The following ZPBP variants were observed in gnomAD, a reference collection of about 807,000 sequenced individuals.
ZPBP encodes zona pellucida binding protein.
ZPBP carries 26 observed loss-of-function variants against 44.8 expected under a neutral mutation model. That is an observed-to-expected ratio of 0.58 (90% CI 0.43 to 0.81). ZPBP has a LOEUF of 0.81. ZPBP is among the 30% of genes least tolerant of loss of function. The pLI is 0.00. For missense variants in ZPBP, 409 were observed against 434.0 expected, an observed-to-expected ratio of 0.94 and a Z score of 0.51; for synonymous variants, 174 against 153.2, an observed-to-expected ratio of 1.14 and a Z score of -1.00.
At chr7:49,949,791 TTTATG>T (rs1261362365) in intron 7 of ZPBP, among the ~76,000 whole-genome samples, 1 of 151,936 alleles carries the variant, frequency 6.6e-6, no homozygotes, top group Non-Finnish European at 1.5e-5. Flanking sequence ...AATGTTAAAT[TTTATG>T]TTATGTACAT....
intron 4 of ZPBP, among the ~76,000 whole-genome samples, chr7:50,048,752 A>G (rs1800523259): frequency 6.6e-6 from 1 of 152,018 alleles, no homozygotes; most frequent in Non-Finnish European, 1.5e-5. Context: ...ACGTAGCCTA[A>G]TCTTTTATCT....
chr7:50,086,591 A>C (rs1802663355), intron 2 of ZPBP, among the ~76,000 whole-genome samples: 1 of 152,060 alleles, frequency 6.6e-6, no homozygotes, highest in Non-Finnish European at 1.5e-5. Flanking sequence ...AGAAGGAATC[A>C]ATAGCAAACT....
chr7:50,085,970 A>C (rs1351900450), intron 2 of ZPBP, among the ~76,000 whole-genome samples: 1 of 152,122 alleles, frequency 6.6e-6, no homozygotes, highest in Non-Finnish European at 1.5e-5. Context: ...GCACGGCATA[A>C]AGTGAATGAT....
intron 6 of ZPBP, among the ~76,000 whole-genome samples, chr7:50,009,100 G>A (rs961133467): frequency 4.6e-5 from 7 of 151,942 alleles, no homozygotes; most frequent in South Asian, 2.1e-4. Context: ...AGCCAGGTGC[G>A]GTGGCACGTG....
intron 3 of ZPBP, among the ~76,000 whole-genome samples, chr7:50,079,845 C>CA (rs1802276819): frequency 6.6e-6 from 1 of 151,410 alleles, no homozygotes; most frequent in African/African-American, 2.4e-5. Flanking sequence ...GTCCCCACAC[C>CA]AAAAAGAGTT....
intron 3 of ZPBP, among the ~76,000 whole-genome samples, chr7:50,078,332 CACAACAGGATGACTATAGTCAATA>C (rs1257969912): frequency 6.6e-6 from 1 of 151,408 alleles, no homozygotes; most frequent in Non-Finnish European, 1.5e-5. Flanking sequence ...TATTTGATAG[CACAACAGGATGACTATAGTCAATA>C]ATAACTTAAT....
At chr7:49,893,466 G>A (rs1449247159) in intron 2 of ZPBP, among the ~76,000 whole-genome samples, 1 of 152,088 alleles carries the variant, frequency 6.6e-6, no homozygotes, top group Non-Finnish European at 1.5e-5. Context: ...GCTTGTTTTA[G>A]TCCCTCTTTA....
chr7:49,981,294 ATAT>A (rs1308880734), intron 7 of ZPBP, among the ~76,000 whole-genome samples: 1 of 81,208 alleles, frequency 1.2e-5, no homozygotes, highest in South Asian at 4.0e-4. Context: ...TATATAATAT[ATAT>A]TATATATAAT....
At chr7:49,970,492 T>G in intron 7 of ZPBP, among the ~76,000 whole-genome samples, 1 of 15,638 alleles carries the variant, frequency 6.4e-5, no homozygotes. Flanking sequence ...TTTTTTTTTT[T>G]TTTTTTTTTT....
At chr7:50,007,104 CTA>C (rs1403491172) in intron 6 of ZPBP, among the ~76,000 whole-genome samples, 1 of 151,820 alleles carries the variant, frequency 6.6e-6, no homozygotes, top group Non-Finnish European at 1.5e-5. Context: ...GGCACTATCT[CTA>C]TGAAACAGAC....
chr7:49,988,557 GTTA>G (rs1240907006), intron 6 of ZPBP, among the ~76,000 whole-genome samples: 2 of 152,098 alleles, frequency 1.3e-5, no homozygotes, highest in Non-Finnish European at 2.9e-5. Flanking sequence ...GTTATGCTAA[GTTA>G]TTATAAACCA....
intron 7 of ZPBP, among the ~76,000 whole-genome samples, chr7:49,965,085 G>A (rs1796007831): frequency 6.6e-6 from 1 of 152,072 alleles, no homozygotes; most frequent in Non-Finnish European, 1.5e-5. Flanking sequence ...TATAATTAAT[G>A]TAAACAGATC....
intron 7 of ZPBP, chr7:49,943,503 C>A: frequency 2.3e-6 from 1 of 431,642 alleles, no homozygotes; most frequent in Admixed American, 2.6e-5. Flanking sequence ...CAACACTCAT[C>A]TGTTTCTTGT....
intron 1 of ZPBP, among the ~76,000 whole-genome samples, chr7:49,927,033 G>A (rs1311528076): frequency 6.6e-6 from 1 of 152,206 alleles, no homozygotes; most frequent in Non-Finnish European, 1.5e-5. Context: ...CCTTACAGCA[G>A]AAGGTCAGAG....
intron 1 of ZPBP, among the ~76,000 whole-genome samples, chr7:49,905,113 T>C (rs1369346127): frequency 6.6e-6 from 1 of 152,216 alleles, no homozygotes; most frequent in Non-Finnish European, 1.5e-5. Flanking sequence ...AAGCTTACTT[T>C]AGGAATTTTT....
rs117040114 is a variant in ZPBP at position 49,855,826 on chromosome 7, C to T, written n.510-5312G>A. On this transcript the variant is annotated intron_variant and non_coding_transcript_variant, in intron 2 of 2. Transcript: ENST00000465922. ...CCAGGGGCCGGTGGCTGACGGTGCA[C>T]GTTAATTCCCAGAGCACCTGGCTCC... Among the ~76,000 whole-genome samples, 34 of 152,192 alleles carry T rather than the reference C, an allele frequency of 2.2e-4. 2 individuals are homozygous for T. In the East Asian group the frequency reaches 5.4e-3, roughly 24 times the overall value.
At chr7:49,866,776 G>A (rs888784726) in intron 2 of ZPBP, among the ~76,000 whole-genome samples, 4 of 152,210 alleles carry the variant, frequency 2.6e-5, no homozygotes, top group South Asian at 2.1e-4. Context: ...TACACAAAGC[G>A]CAGCTTCCCT....
intron 6 of ZPBP, among the ~76,000 whole-genome samples, chr7:50,001,643 A>G: frequency 6.6e-6 from 1 of 152,172 alleles, no homozygotes; most frequent in East Asian, 1.9e-4. Flanking sequence ...GCATCTTGCA[A>G]TGAAGGAGAA....
chr7:49,931,819 A>G (rs1213692008), intron 1 of ZPBP, among the ~76,000 whole-genome samples: 1 of 152,106 alleles, frequency 6.6e-6, no homozygotes, highest in Non-Finnish European at 1.5e-5. Flanking sequence ...TAGGAGGAAA[A>G]AATGGTTTTG....
Sources: allele counts gnomAD v4.1 joint callset (sites outside exome capture counted in the v4.1 genomes callset), GRCh38; gene constraint gnomAD v4.1.1; transcripts MANE v1.5; gene names NCBI Gene and HGNC (gene_info 2026-07-23, HGNC 2026-07-21).